TOMM5: variants seen among roughly 807,000 people sequenced by gnomAD.
The protein encoded by TOMM5 is mitochondrial import receptor subunit TOM5 homolog.
TOMM5 carries 1 observed loss-of-function variant against 4.8 expected under a neutral mutation model. The observed-to-expected ratio is 0.21, with a 90% confidence interval of 0.07 to 0.99. The LOEUF (loss-of-function observed/expected upper bound fraction) is 0.99, where lower values mean the gene tolerates loss of function less well. Among genes scored for constraint, TOMM5 ranks in the 50% least tolerant of loss-of-function variants. TOMM5 has a pLI of 0.60. For synonymous variants in TOMM5, 26 were observed against 26.7 expected, an observed-to-expected ratio of 0.97 and a Z score of 0.08; for missense variants, 60 against 66.6, an observed-to-expected ratio of 0.90 and a Z score of 0.35.
intron 1 of TOMM5, among the ~76,000 whole-genome samples, chr9:37,590,473 G>C (rs1823083236): frequency 6.6e-6 from 1 of 152,130 alleles, no homozygotes; most frequent in South Asian, 2.1e-4. Context: ...GTTGTGAAAG[G>C]CTGGAGAAAA....
intron 1 of TOMM5, among the ~76,000 whole-genome samples, chr9:37,590,812 G>A (rs984575303): frequency 1.3e-5 from 2 of 152,142 alleles, no homozygotes; most frequent in Admixed American, 6.5e-5. Context: ...CCCAAGACTC[G>A]CTCTTCTGTG....
intron 1 of TOMM5, among the ~76,000 whole-genome samples, chr9:37,590,758 T>C (rs1009249909): frequency 6.6e-6 from 1 of 151,510 alleles, no homozygotes; most frequent in African/African-American, 2.4e-5. Flanking sequence ...AATTTGGGAG[T>C]TGCAAGAAGC....
intron 1 of TOMM5, among the ~76,000 whole-genome samples, chr9:37,589,814 G>A (rs960231200): frequency 3.3e-5 from 5 of 151,984 alleles, no homozygotes; most frequent in African/African-American, 9.7e-5. Flanking sequence ...GAGCCACTGC[G>A]CCCAGCTCAA....
At position 37,588,605 on chromosome 9, in the gene TOMM5, C is replaced by T. The variant is rs1007151856; in HGVS notation, c.*293G>A. The T allele has an allele frequency of 1.9e-6, 1 of 532,770 alleles. No homozygotes were observed. Among genetic ancestry groups the T allele is most frequent in the Admixed American group, 2.7e-5 (1 of 37,556 alleles). 33.0% of individuals were successfully genotyped at this position (532,770 alleles called of 1,614,324 possible). On this transcript the variant is annotated 3_prime_UTR_variant, in exon 2 of 2. Transcript: ENST00000321301. ...CATTTCAGACACAGCTCCCTTAATA[C>T]TTGCTAGAAAACGGAGTTTGACATT...
rs1227375403 is a variant in TOMM5 at position 37,592,565 on chromosome 9, C to A, written c.-33G>T. 3.1e-6 allele frequency: 5 copies of A among 1,601,508 alleles called. No individual in the cohort carries two copies. Among genetic ancestry groups the A allele is most frequent in the Non-Finnish European group, 4.3e-6 (5 of 1,172,924 alleles). On this transcript the variant is annotated 5_prime_UTR_variant, in exon 1 of 2. Coordinates refer to ENST00000321301, the MANE Select transcript of TOMM5 (RefSeq NM_001001790.3). Reference sequence around the variant, plus strand: ...CTGACTTAGCAGCTTCCAGCCGCCGCGCTCTGCTCTCCACGGTGGCCGCCT... The same window carrying A: ...CTGACTTAGCAGCTTCCAGCCGCCGAGCTCTGCTCTCCACGGTGGCCGCCT...
chr9:37,592,470 G>A lies in TOMM5; in HGVS notation c.63C>T (p.Arg21=). 6.2e-7 allele frequency: 1 copy of A among 1,614,182 alleles called. No individual in the cohort carries two copies. The highest frequency in any genetic ancestry group is 1.7e-5 in the Admixed American group (1 of 60,026). Residue 21 remains arginine (R), a synonymous_variant, in exon 1 of 2, where the codon CGC becomes CGT. Coordinates refer to ENST00000321301, the MANE Select transcript of TOMM5 (RefSeq NM_001001790.3). ...LDPEEMKRKM[R]EDVISSIRNF... ...TCCGTATGGAGGAGATCACATCCTC[G>A]CGCATCTTCCGTTTCATCTCCTCCG...
Position 37,592,501 on chromosome 9 carries a change from A to G in TOMM5, c.32T>C (p.Leu11Pro). The change falls in exon 1 of 2, where the codon CTG becomes CCG. Residue 11 changes from leucine to proline, a missense_variant. Transcript: ENST00000321301. MFRIEGLAPK[L>P]DPEEMKRKMR... is the part of the protein sequence containing the mutation. ...CTTCCGTTTCATCTCCTCCGGGTCC[A>G]GCTTCGGCGCGAGGCCCTCAATCCG... The G allele has an allele frequency of 2.5e-6, 4 of 1,613,836 alleles. No homozygotes were observed. Among genetic ancestry groups the G allele is most frequent in the Non-Finnish European group, 3.4e-6 (4 of 1,179,986 alleles).
intron 1 of TOMM5, 47 bp downstream of exon 1, chr9:37,592,365 G>C: frequency 6.2e-7 from 1 of 1,612,798 alleles, no homozygotes; most frequent in Non-Finnish European, 8.5e-7. Flanking sequence ...GGTGCCCGTC[G>C]GTGAGCTCCC....
Position 37,592,467 on chromosome 9 carries a change from C to A in TOMM5, c.66G>T (p.Glu22Asp), listed in dbSNP as rs750431736. 4 of 1,614,178 alleles carry A rather than the reference C, an allele frequency of 2.5e-6. No homozygotes were observed. ...DPEEMKRKMR[E>D]DVISSIRNFL... Reference sequence around the variant, plus strand: ...AGTTCCGTATGGAGGAGATCACATCCTCGCGCATCTTCCGTTTCATCTCCT... The same window carrying A: ...AGTTCCGTATGGAGGAGATCACATCATCGCGCATCTTCCGTTTCATCTCCT... Residue 22 changes from glutamate (E) to aspartate (D), a missense_variant, in exon 1 of 2, where the codon GAG becomes GAT. Physicochemically the swap from Glu to Asp is conservative, Grantham distance 45 (BLOSUM62 2). Coordinates refer to ENST00000321301, the MANE Select transcript of TOMM5 (RefSeq NM_001001790.3).
chr9:37,592,401 G>C lies in TOMM5; in HGVS notation c.121+11C>G, dbSNP rs751936933. 6.2e-7 allele frequency: 1 copy of C among 1,614,040 alleles called. No individual in the cohort carries two copies. Among genetic ancestry groups the C allele is most frequent in the South Asian group, 1.1e-5 (1 of 91,040 alleles). On this transcript the variant is annotated intron_variant, in intron 1 of 1. Transcript: ENST00000321301. ...CGCTGGTCTCACAGTCACAGCCCGG[G>C]AGACACTCACTGACTCGCAGGAGGG...
Position 37,592,529 on chromosome 9 carries a change from A to C in TOMM5, c.4T>G (p.Phe2Val). 1 of 1,612,604 alleles carries C rather than the reference A, an allele frequency of 6.2e-7. No individual in the cohort carries two copies. Among genetic ancestry groups the C allele is most frequent in the Non-Finnish European group, 8.5e-7 (1 of 1,179,450 alleles). ...TTCGGCGCGAGGCCCTCAATCCGGA[A>C]CATCGCGGCTCTGACTTAGCAGCTT... MFRIEGLAPKLD... is the reference protein window; with the variant it reads MVRIEGLAPKLD... The change falls in exon 1 of 2, where the codon TTC becomes GTC. Residue 2 changes from phenylalanine to valine, a missense_variant. Phe to Val is a conservative substitution (Grantham distance 50). Coordinates refer to ENST00000321301, the MANE Select transcript of TOMM5 (RefSeq NM_001001790.3).
rs528283775 is a variant in TOMM5, at chr9:37,588,899, C to T, written c.155G>A (p.Ter52=). The T allele has an allele frequency of 1.7e-4, 271 of 1,613,904 alleles. 6 individuals carry two copies. In the South Asian group the frequency reaches 2.7e-3, roughly 16 times the overall value. The change falls in exon 2 of 2, where the codon TGA becomes TAA. Residue 52 remains the stop codon, a stop_retained_variant. Transcript: ENST00000321301. The stretch of plus-strand genomic sequence containing the variant: ...GCATTCATATGTGATGTCCTGTCTT[C>T]ATATGCTGTCCAATTTCTTTAAGAT... The part of the protein sequence containing the change: ...PFILKKLDSI[*]
chr9:37,591,272 C>T (rs945139854), intron 1 of TOMM5, among the ~76,000 whole-genome samples: 6 of 152,196 alleles, frequency 3.9e-5, no homozygotes, highest in Non-Finnish European at 5.9e-5. Context: ...CAAATATTTG[C>T]ATTAATCCTA....
chr9:37,591,233 T>A (rs1423006235), intron 1 of TOMM5, among the ~76,000 whole-genome samples: 1 of 152,134 alleles, frequency 6.6e-6, no homozygotes, highest in African/African-American at 2.4e-5. Context: ...TAACTTCCTG[T>A]CAATTTTAAG....
chr9:37,590,523 T>C (rs1823084080), intron 1 of TOMM5, among the ~76,000 whole-genome samples: 1 of 152,132 alleles, frequency 6.6e-6, no homozygotes, highest in Non-Finnish European at 1.5e-5. Context: ...TGGTGTTTCT[T>C]CTAGGGGGAA....
At position 37,592,594 on chromosome 9, in the gene TOMM5, G is replaced by A. The variant is rs1171993299; in HGVS notation, c.-62C>T. 1.1e-5 allele frequency: 17 copies of A among 1,571,874 alleles called. No individual in the cohort carries two copies. Among genetic ancestry groups the A allele is most frequent in the Non-Finnish European group, 1.4e-5 (16 of 1,158,942 alleles). ...CTGCTCTCCACGGTGGCCGCCTCGC[G>A]CCCGGAACTCGGCCTATCCTCACTT... On this transcript the variant is annotated 5_prime_UTR_variant, in exon 1 of 2. Coordinates refer to ENST00000321301, the MANE Select transcript of TOMM5 (RefSeq NM_001001790.3).
chr9:37,592,581 G>A lies in TOMM5; in HGVS notation c.-49C>T, dbSNP rs756128397. The A allele has an allele frequency of 6.3e-7, 1 of 1,587,206 alleles. No individual in the cohort carries two copies. Among genetic ancestry groups the A allele is most frequent in the Non-Finnish European group, 8.6e-7 (1 of 1,165,502 alleles). On this transcript the variant is annotated 5_prime_UTR_variant, in exon 1 of 2. Coordinates refer to ENST00000321301, the MANE Select transcript of TOMM5 (RefSeq NM_001001790.3). ...CAGCCGCCGCGCTCTGCTCTCCACG[G>A]TGGCCGCCTCGCGCCCGGAACTCGG... is the stretch of plus-strand genomic sequence containing the variant.
In TOMM5 at chr9:37,588,950, C is replaced by T; in HGVS notation, c.122-18G>A. 6.2e-7 allele frequency: 1 copy of T among 1,601,422 alleles called. No homozygotes were observed. The highest frequency in any genetic ancestry group is 8.5e-7 in the Non-Finnish European group (1 of 1,169,652). ...AAATGGAGCTGAAAGAAAAACAAAT[C>T]TAAAATTAGTTTTCAAATCTATTAG... On this transcript the variant is annotated intron_variant, in intron 1 of 1. Transcript: ENST00000321301.
At chr9:37,592,166 C>G in intron 1 of TOMM5, 1 of 1,451,228 alleles carries the variant, frequency 6.9e-7, no homozygotes, top group Non-Finnish European at 9.2e-7. Flanking sequence ...GCAGCTCAAA[C>G]ATTCTTCAAG....
Sources: allele counts gnomAD v4.1 joint callset (sites outside exome capture counted in the v4.1 genomes callset), GRCh38; gene constraint gnomAD v4.1.1; transcripts MANE v1.5; gene names NCBI Gene and HGNC (gene_info 2026-07-23, HGNC 2026-07-21).